The following MCM9 variants were observed in gnomAD, a reference collection of about 807,000 sequenced individuals.
MCM9 encodes DNA helicase MCM9.
A neutral mutation model predicts 72.8 loss-of-function variants in MCM9; 55 were observed. That is an observed-to-expected ratio of 0.76 (90% CI 0.61 to 0.95). The LOEUF is 0.95. Among genes scored for constraint, MCM9 ranks in the 40% least tolerant of loss-of-function variants. MCM9 has a pLI of 0.00. For missense variants in MCM9, 1,279 were observed against 1,377.0 expected (o/e 0.93, Z 1.13); for synonymous variants, 480 against 503.4 (o/e 0.95, Z 0.62).
chr6:118,891,802 T>C (rs1313889902), intron 8 of MCM9, among the ~76,000 whole-genome samples: 1 of 152,228 alleles, frequency 6.6e-6, no homozygotes, highest in Non-Finnish European at 1.5e-5. Context: ...TTTGTTCTGT[T>C]CATCTTAGAG....
chr6:118,928,364 T>A (rs1359450482), intron 3 of MCM9, among the ~76,000 whole-genome samples: 1 of 151,870 alleles, frequency 6.6e-6, no homozygotes, highest in African/African-American at 2.4e-5. Context: ...TGAACCGAGA[T>A]TGCACCTGTG....
At chr6:118,916,598 A>T (rs1780984439) in intron 6 of MCM9, among the ~76,000 whole-genome samples, 1 of 151,620 alleles carries the variant, frequency 6.6e-6, no homozygotes, top group Non-Finnish European at 1.5e-5. Context: ...TGCTGGGACT[A>T]CAGGTGCACG....
intron 8 of MCM9, among the ~76,000 whole-genome samples, chr6:118,866,152 G>A (rs2114274445): frequency 6.6e-6 from 1 of 152,294 alleles, no homozygotes; most frequent in South Asian, 2.1e-4. Context: ...CCTAAACAGA[G>A]ACAACAGTCT....
At chr6:118,905,251 G>A (rs1434532077) in intron 8 of MCM9, among the ~76,000 whole-genome samples, 2 of 152,178 alleles carry the variant, frequency 1.3e-5, no homozygotes, top group Non-Finnish European at 2.9e-5. Context: ...AACATTTGTG[G>A]CCAACAGTCT....
intron 8 of MCM9, among the ~76,000 whole-genome samples, chr6:118,876,481 G>C (rs973158822): frequency 2.6e-5 from 4 of 152,342 alleles, no homozygotes; most frequent in Non-Finnish European, 4.4e-5. Context: ...GCATGGCAGG[G>C]AGGGAGAATA....
In MCM9 at chr6:118,826,763, G is replaced by A. The variant is rs1368409569; in HGVS notation, c.1815+19C>T. ...AGTTTGTAATTAGGATAAAAATTAG[G>A]TACACAAAATATCCTTACCTGCATT... On this transcript the variant is annotated intron_variant, in intron 12 of 13. Transcript: ENST00000619706. The A allele has an allele frequency of 1.3e-5, 19 of 1,513,452 alleles. No individual in the cohort carries two copies. In the East Asian group the frequency reaches 3.0e-4, roughly 24 times the overall value. The allele number at this position is 1,513,452 out of a possible 1,614,324, so 93.8% of individuals were successfully genotyped here.
At chr6:118,839,624 T>C (rs1480299451) in intron 9 of MCM9, among the ~76,000 whole-genome samples, 3 of 152,176 alleles carry the variant, frequency 2.0e-5, no homozygotes, top group Non-Finnish European at 4.4e-5. Context: ...GACGTCCTTT[T>C]TGTTGATGTT....
chr6:118,821,122 C>T lies in MCM9; in HGVS notation c.1962-4828G>A, dbSNP rs145131037. ...TTAATTGGAGCATTTAGCCCATTTA[C>T]ATTTAAGGTTAATATTGTTATGTAT... On this transcript the variant is annotated intron_variant, in intron 13 of 13. Coordinates refer to ENST00000619706, the MANE Select transcript of MCM9 (RefSeq NM_017696.3). Among the ~76,000 whole-genome samples the T allele has an allele frequency of 1.0e-3, 155 of 152,274 alleles. 1 individual carries two copies. The East Asian group carries it at 0.013, about 12-fold the overall frequency.
At chr6:118,851,759 G>C (rs1396035611) in intron 9 of MCM9, among the ~76,000 whole-genome samples, 1 of 149,196 alleles carries the variant, frequency 6.7e-6, no homozygotes, top group Non-Finnish European at 1.5e-5. Flanking sequence ...TAGTGGCTAA[G>C]ACAAAACAGA....
At chr6:118,841,380 C>T (rs1207686941) in intron 9 of MCM9, among the ~76,000 whole-genome samples, 2 of 152,198 alleles carry the variant, frequency 1.3e-5, no homozygotes, top group African/African-American at 4.8e-5. Context: ...TCTCTCTCCT[C>T]TGGCCCCCCC....
intron 8 of MCM9, among the ~76,000 whole-genome samples, chr6:118,876,202 A>T (rs575424047): frequency 6.6e-6 from 1 of 151,806 alleles, no homozygotes; most frequent in Admixed American, 6.6e-5. Flanking sequence ...TATTTAAAAG[A>T]TCAGTGGTTG....
intron 8 of MCM9, chr6:118,905,654 T>G (rs1418283929): frequency 6.2e-7 from 1 of 1,606,262 alleles, no homozygotes; most frequent in African/African-American, 1.3e-5. Context: ...TATTCTAGGC[T>G]GATGCACCTA....
chr6:118,880,294 A>C (rs892437898), intron 8 of MCM9, among the ~76,000 whole-genome samples: 14 of 152,212 alleles, frequency 9.2e-5, no homozygotes, highest in African/African-American at 3.1e-4. Context: ...GTAGAAGTTT[A>C]CAAGGAACTG....
At chr6:118,851,628 T>C (rs1453695116) in intron 9 of MCM9, among the ~76,000 whole-genome samples, 1 of 151,740 alleles carries the variant, frequency 6.6e-6, no homozygotes, top group Non-Finnish European at 1.5e-5. Context: ...AATCTTTAAA[T>C]GAAATCTATG....
intron 11 of MCM9, among the ~76,000 whole-genome samples, chr6:118,827,362 T>C (rs1193761999): frequency 5.3e-5 from 8 of 152,206 alleles, no homozygotes. Context: ...GCTTGTATTA[T>C]TTTATTTTAT....
At chr6:118,913,804 T>A (rs1279655271) in intron 6 of MCM9, among the ~76,000 whole-genome samples, 1 of 152,108 alleles carries the variant, frequency 6.6e-6, no homozygotes, top group Non-Finnish European at 1.5e-5. Flanking sequence ...GGTCTCACTA[T>A]GTTGCCCAGG....
At chr6:118,916,167 A>C (rs781608721) in intron 6 of MCM9, among the ~76,000 whole-genome samples, 2 of 151,918 alleles carry the variant, frequency 1.3e-5, no homozygotes, top group Non-Finnish European at 2.9e-5. Flanking sequence ...AGCCTGGGAA[A>C]CATAGCATAG....
chr6:118,834,642 T>C (rs1380821718), intron 9 of MCM9, among the ~76,000 whole-genome samples: 1 of 152,134 alleles, frequency 6.6e-6, no homozygotes, highest in Non-Finnish European at 1.5e-5. Flanking sequence ...TTGTTGGCCA[T>C]ATAAATGTCT....
intron 9 of MCM9, among the ~76,000 whole-genome samples, chr6:118,839,711 G>T (rs1248368735): frequency 6.6e-6 from 1 of 152,152 alleles, no homozygotes; most frequent in Non-Finnish European, 1.5e-5. Flanking sequence ...TTTGCTGGAG[G>T]TCCACTCCAG....
Sources: gnomAD v4.1 joint callset for allele counts (sites outside exome capture counted in the v4.1 genomes callset) on GRCh38, gnomAD v4.1.1 for gene constraint, MANE v1.5 for transcripts, NCBI Gene and HGNC (gene_info 2026-07-23, HGNC 2026-07-21) for gene names.